Variants in GRIN2B observed in about 807,000 individuals in gnomAD.
GRIN2B encodes glutamate ionotropic receptor NMDA type subunit 2B, also known as glutamate receptor ionotropic, NMDA 2B.
GRIN2B carries 5 observed loss-of-function variants against 114.5 expected under a neutral mutation model. The observed-to-expected ratio is 0.04, with a 90% confidence interval of 0.02 to 0.09. The LOEUF is 0.09. Ranked by LOEUF, GRIN2B falls within the 10% of genes least tolerant of loss-of-function variation. GRIN2B has a pLI of 1.00. For missense variants in GRIN2B, 1,108 were observed against 1,943.5 expected (o/e 0.57, Z 8.08); for synonymous variants, 787 against 745.1 (o/e 1.06, Z -0.92).
intron 3 of GRIN2B, among the ~76,000 whole-genome samples, chr12:13,857,102 G>A (rs534552270): frequency 7.2e-5 from 11 of 152,324 alleles, no homozygotes; most frequent in African/African-American, 2.6e-4. Context: ...TTGGAGAAGT[G>A]AGAGATGAGG....
intron 5 of GRIN2B, among the ~76,000 whole-genome samples, chr12:13,636,204 G>C (rs1052826389): frequency 1.3e-5 from 2 of 152,168 alleles, no homozygotes; most frequent in Non-Finnish European, 2.9e-5. Context: ...AAGATCTTTT[G>C]ATGTGGCTTT....
Position 13,556,439 on chromosome 12 carries a change from G to A in GRIN2B, c.*6344C>T, listed in dbSNP as rs761367177. 6.6e-6 allele frequency: 1 copy of A among 152,116 alleles called. No individual in the cohort carries two copies. The highest frequency in any genetic ancestry group is 1.5e-5 in the Non-Finnish European group (1 of 68,010). The allele number at this position is 152,116 out of a possible 1,614,324, so 9.4% of individuals were successfully genotyped here. A position where few individuals can be genotyped will look rare whatever the true frequency, so the allele number is the denominator to read the frequency against. On this transcript the variant is annotated 3_prime_UTR_variant, in exon 14 of 14. Coordinates refer to ENST00000609686, the MANE Select transcript of GRIN2B (RefSeq NM_000834.5). ...TTCACAGAACTAGCCTAGGGACATA[G>A]TACGTGCACAATAGACGTTGGTTTA...
chr12:13,916,564 A>G (rs1446197426), intron 2 of GRIN2B, among the ~76,000 whole-genome samples: 1 of 152,110 alleles, frequency 6.6e-6, no homozygotes, highest in African/African-American at 2.4e-5. Flanking sequence ...ATAAATATCT[A>G]TCGGCCAGGC....
chr12:13,768,806 G>A (rs545550665), intron 3 of GRIN2B, among the ~76,000 whole-genome samples: 5 of 152,290 alleles, frequency 3.3e-5, no homozygotes, highest in South Asian at 2.1e-4. Context: ...AGGCCAAGGC[G>A]GGAGGATCAT....
chr12:13,795,967 G>A (rs1235688121), intron 3 of GRIN2B, among the ~76,000 whole-genome samples: 1 of 150,924 alleles, frequency 6.6e-6, no homozygotes, highest in Non-Finnish European at 1.5e-5. Flanking sequence ...AACATTAGGA[G>A]AAAAACCTAA....
chr12:13,696,812 T>C (rs1187351999), intron 4 of GRIN2B, among the ~76,000 whole-genome samples: 4 of 152,160 alleles, frequency 2.6e-5, no homozygotes, highest in African/African-American at 9.7e-5. Context: ...AGGGAGGGCA[T>C]ACCTAACCAA....
chr12:13,885,905 T>C (rs1866148766), intron 2 of GRIN2B, among the ~76,000 whole-genome samples: 1 of 152,208 alleles, frequency 6.6e-6, no homozygotes, highest in African/African-American at 2.4e-5. Context: ...ACCTGAGCAC[T>C]TGGCAAAATT....
chr12:13,720,265 A>G (rs763687213), intron 4 of GRIN2B, among the ~76,000 whole-genome samples: 9 of 152,012 alleles, frequency 5.9e-5, no homozygotes, highest in Non-Finnish European at 1.3e-4. Flanking sequence ...TCAACCAAGC[A>G]GTCTTTTTCT....
chr12:13,811,459 C>A (rs1297265160), intron 3 of GRIN2B, among the ~76,000 whole-genome samples: 2 of 152,206 alleles, frequency 1.3e-5, no homozygotes, highest in African/African-American at 4.8e-5. Context: ...CATGTGCCTG[C>A]ATTTTCAGCT....
intron 3 of GRIN2B, among the ~76,000 whole-genome samples, chr12:13,792,417 G>C (rs1864337035): frequency 6.6e-6 from 1 of 152,240 alleles, no homozygotes; most frequent in Admixed American, 6.5e-5. Flanking sequence ...AGCCTGGCCT[G>C]TGGGTCCTCA....
chr12:13,898,935 T>TTACTACTACCACTATTAC (rs1313493912), intron 2 of GRIN2B, among the ~76,000 whole-genome samples: 41 of 152,314 alleles, frequency 2.7e-4, no homozygotes, highest in African/African-American at 9.4e-4. Context: ...GCAACAACTA[T>TTACTACTACCACTATTAC]TACTACTACC....
intron 4 of GRIN2B, among the ~76,000 whole-genome samples, chr12:13,733,008 C>T (rs1296167107): frequency 2.6e-5 from 4 of 152,108 alleles, no homozygotes; most frequent in Non-Finnish European, 4.4e-5. Flanking sequence ...GGAACACACA[C>T]ATATATTAAA....
At chr12:13,746,429 CCTT>C (rs1863384832) in intron 4 of GRIN2B, among the ~76,000 whole-genome samples, 1 of 152,170 alleles carries the variant, frequency 6.6e-6, no homozygotes, top group African/African-American at 2.4e-5. Context: ...GAGCCATTAA[CCTT>C]CTCGGGTTTG....
At chr12:13,585,391 G>A (rs1202821850) in intron 10 of GRIN2B, among the ~76,000 whole-genome samples, 2 of 152,174 alleles carry the variant, frequency 1.3e-5, no homozygotes, top group Non-Finnish European at 2.9e-5. Context: ...GCACGGAAAT[G>A]CCAGCATGTG....
In GRIN2B at chr12:13,893,701, T is replaced by C. The variant is rs185070553; in HGVS notation, c.-18-27475A>G. Among the ~76,000 whole-genome samples the C allele has an allele frequency of 3.3e-3, 510 of 152,240 alleles. 2 individuals are homozygous for C. The highest frequency in any genetic ancestry group is 6.5e-3 in the Non-Finnish European group (443 of 68,008). On this transcript the variant is annotated intron_variant, in intron 2 of 13. Coordinates refer to ENST00000609686, the MANE Select transcript of GRIN2B (RefSeq NM_000834.5). Reference sequence around the variant, plus strand: ...CAAATCTATAAATGTATTCCACAGATATTTGAAAGCCATCTACTCAAAAGC... The same window carrying C: ...CAAATCTATAAATGTATTCCACAGACATTTGAAAGCCATCTACTCAAAAGC...
At chr12:13,726,426 T>A (rs1042546350) in intron 4 of GRIN2B, among the ~76,000 whole-genome samples, 5 of 151,516 alleles carry the variant, frequency 3.3e-5, no homozygotes, top group Non-Finnish European at 7.4e-5. Flanking sequence ...TCCCAGCTAC[T>A]TGAGAGGCTG....
intron 5 of GRIN2B, among the ~76,000 whole-genome samples, chr12:13,639,297 C>T (rs1269386453): frequency 6.6e-6 from 1 of 152,124 alleles, no homozygotes; most frequent in African/African-American, 2.4e-5. Flanking sequence ...CCAGATAGCG[C>T]TTGGATGGGT....
chr12:13,845,401 A>T (rs976153513), intron 3 of GRIN2B, among the ~76,000 whole-genome samples: 2 of 152,160 alleles, frequency 1.3e-5, no homozygotes, highest in African/African-American at 4.8e-5. Context: ...CCCTAGTCCT[A>T]ATTTCAGTTT....
At chr12:13,833,899 G>C (rs1254958885) in intron 3 of GRIN2B, among the ~76,000 whole-genome samples, 1 of 151,840 alleles carries the variant, frequency 6.6e-6, no homozygotes, top group Non-Finnish European at 1.5e-5. Context: ...TCATTCCAGC[G>C]ATGCTTTCTG....
Sources: gnomAD v4.1 joint callset for allele counts (sites outside exome capture counted in the v4.1 genomes callset) on GRCh38, gnomAD v4.1.1 for gene constraint, MANE v1.5 for transcripts, NCBI Gene and HGNC (gene_info 2026-07-23, HGNC 2026-07-21) for gene names.